The following SMURF1 variants were observed in gnomAD, a reference collection of about 807,000 sequenced individuals.
The protein encoded by SMURF1 is SMAD specific E3 ubiquitin protein ligase 1, also known as E3 ubiquitin-protein ligase SMURF1.
A neutral mutation model predicts 98.0 loss-of-function variants in SMURF1; 44 were observed. The observed-to-expected ratio is 0.45, with a 90% CI of 0.35 to 0.58. The LOEUF (loss-of-function observed/expected upper bound fraction) is 0.58. Ranked by LOEUF, SMURF1 falls within the 20% of genes least tolerant of loss-of-function variation. The pLI is 0.00. For missense variants in SMURF1, 687 were observed against 938.4 expected (o/e 0.73, Z 3.50); for synonymous variants, 396 against 374.9 (o/e 1.06, Z -0.65).
intron 1 of SMURF1, among the ~76,000 whole-genome samples, chr7:99,079,665 A>C (rs1247248360): frequency 6.6e-6 from 1 of 152,250 alleles, no homozygotes; most frequent in Non-Finnish European, 1.5e-5. Flanking sequence ...ACCCCAAAAA[A>C]AAATCCGCAC....
chr7:99,140,943 C>T (rs563751824), intron 1 of SMURF1, among the ~76,000 whole-genome samples: 23 of 152,252 alleles, frequency 1.5e-4, no homozygotes, highest in Non-Finnish European at 2.9e-4. Flanking sequence ...CCTATTCCAC[C>T]GTCAACAAAC....
chr7:99,076,747 C>T (rs7790762), intron 1 of SMURF1, among the ~76,000 whole-genome samples: 152,351 of 152,380 alleles, frequency 1, 76,161 homozygotes, highest in Middle Eastern at 1. Flanking sequence ...ATGTTAGATG[C>T]TGTTAATTGG....
intron 1 of SMURF1, among the ~76,000 whole-genome samples, chr7:99,122,371 C>G (rs1481285910): frequency 2.1e-5 from 3 of 143,504 alleles, no homozygotes; most frequent in Non-Finnish European, 4.6e-5. Flanking sequence ...AGGCCGGGCG[C>G]AGTGGCTCAC....
intron 1 of SMURF1, among the ~76,000 whole-genome samples, chr7:99,066,614 C>T (rs561675882): frequency 6.6e-6 from 1 of 151,820 alleles, no homozygotes; most frequent in African/African-American, 2.4e-5. Context: ...CCCATCTCTA[C>T]AAAAAATACA....
chr7:99,098,127 T>G (rs889551689), intron 1 of SMURF1, among the ~76,000 whole-genome samples: 4 of 152,306 alleles, frequency 2.6e-5, no homozygotes, highest in African/African-American at 9.6e-5. Flanking sequence ...TATAAAGTAA[T>G]TCTACAATAA....
At chr7:99,130,099 C>T (rs1228268127) in intron 1 of SMURF1, among the ~76,000 whole-genome samples, 2 of 152,160 alleles carry the variant, frequency 1.3e-5, no homozygotes, top group Non-Finnish European at 2.9e-5. Context: ...GCTCTGTTAT[C>T]TCTAGAGAAA....
In SMURF1 at chr7:99,037,097, C is replaced by T. The variant is rs996437589; in HGVS notation, c.1779G>A (p.Leu593=). The change falls in exon 15 of 18, where the codon CTG becomes CTA. Residue 593 remains leucine (L), a synonymous_variant. Coordinates refer to ENST00000361368, the MANE Select transcript of SMURF1 (RefSeq NM_181349.3). ...GTTCCTTCTGGTCAAAAGGCTTCAGCAGATGTTGAGGGATGAGCTCATTGA... is the reference window on the plus strand; with the variant it reads ...GTTCCTTCTGGTCAAAAGGCTTCAGTAGATGTTGAGGGATGAGCTCATTGA... ...KGFNELIPQH[L]LKPFDQKELE... 6 of 1,613,962 alleles carry T rather than the reference C, an allele frequency of 3.7e-6. No individual in the cohort carries two copies. The highest frequency in any genetic ancestry group is 2.2e-5 in the South Asian group (2 of 91,078).
At chr7:99,053,701 A>G (rs953848068) in intron 6 of SMURF1, among the ~76,000 whole-genome samples, 4 of 152,056 alleles carry the variant, frequency 2.6e-5, no homozygotes, top group Non-Finnish European at 5.9e-5. Context: ...GGTTCCCTGT[A>G]TTTCCAAGAG....
intron 1 of SMURF1, among the ~76,000 whole-genome samples, chr7:99,062,446 A>T (rs1480871568): frequency 6.6e-6 from 1 of 152,208 alleles, no homozygotes; most frequent in Non-Finnish European, 1.5e-5. Context: ...AATTTTGTAA[A>T]TGTAAACTTT....
At chr7:99,038,357 G>A in intron 14 of SMURF1, 31 bp downstream of exon 14, 1 of 1,610,528 alleles carries the variant, frequency 6.2e-7, no homozygotes, top group Non-Finnish European at 8.5e-7. Flanking sequence ...CGCGCCCCAG[G>A]CACCTGGCCG....
At chr7:99,050,775 T>G in intron 8 of SMURF1, 1 of 651,394 alleles carries the variant, frequency 1.5e-6, no homozygotes, top group Non-Finnish European at 2.6e-6. Flanking sequence ...TATTCTCAGA[T>G]GAAACAAATC....
chr7:99,063,154 T>A (rs1350826746), intron 1 of SMURF1, among the ~76,000 whole-genome samples: 1 of 145,996 alleles, frequency 6.8e-6, no homozygotes, highest in African/African-American at 2.5e-5. Context: ...TAAAACTAAG[T>A]GAATAATGTC....
Position 99,105,261 on chromosome 7 carries a change from G to A in SMURF1, c.55+38465C>T, listed in dbSNP as rs374198176. Among the ~76,000 whole-genome samples the A allele has an allele frequency of 2.0e-5, 3 of 152,254 alleles. 1 individual carries two copies. The highest frequency in any genetic ancestry group is 7.2e-5 in the African/African-American group (3 of 41,542). ...GAAAGAAAGACATTTTTATCACAACGAAAATTCCACTGTGAGAGTCTTCAT... is the reference window on the plus strand; with the variant it reads ...GAAAGAAAGACATTTTTATCACAACAAAAATTCCACTGTGAGAGTCTTCAT... On this transcript the variant is annotated intron_variant, in intron 1 of 17. Transcript: ENST00000361368.
chr7:99,130,112 A>C (rs1373801751), intron 1 of SMURF1, among the ~76,000 whole-genome samples: 2 of 152,196 alleles, frequency 1.3e-5, no homozygotes, highest in Non-Finnish European at 2.9e-5. Flanking sequence ...TAGAGAAATA[A>C]TTTAAGAATG....
Position 99,143,929 on chromosome 7 carries a change from C to T in SMURF1, c.-149G>A. ...ACACAAACTCCGCGGCCCAGGCGTC[C>T]GGGCGGCAGGCGGATGGTCGAGCCG... is the stretch of plus-strand genomic sequence containing the variant. On this transcript the variant is annotated 5_prime_UTR_variant, in exon 1 of 18. Coordinates refer to ENST00000361368, the MANE Select transcript of SMURF1 (RefSeq NM_181349.3). 1 of 565,230 alleles carries T rather than the reference C, an allele frequency of 1.8e-6. No individual in the cohort carries two copies. Among genetic ancestry groups the T allele is most frequent in the Non-Finnish European group, 2.7e-6 (1 of 365,144 alleles). The allele number at this position is 565,230 out of a possible 1,614,324, so 35.0% of individuals were successfully genotyped here.
intron 10 of SMURF1, among the ~76,000 whole-genome samples, chr7:99,046,307 CAT>C (rs935221986): frequency 7.9e-5 from 12 of 152,158 alleles, no homozygotes; most frequent in African/African-American, 2.4e-4. Context: ...GCACAGAACA[CAT>C]GTGATCAGCC....
intron 1 of SMURF1, among the ~76,000 whole-genome samples, chr7:99,073,710 G>C (rs1396097211): frequency 4.0e-5 from 6 of 151,004 alleles, no homozygotes; most frequent in African/African-American, 1.2e-4. Flanking sequence ...AGGTTGCACT[G>C]AGCCAAAATC....
intron 1 of SMURF1, among the ~76,000 whole-genome samples, chr7:99,137,225 T>TA (rs1297190936): frequency 6.6e-6 from 1 of 152,214 alleles, no homozygotes; most frequent in African/African-American, 2.4e-5. Flanking sequence ...ACTGTATTAA[T>TA]ACTGTGCTAC....
intron 10 of SMURF1, among the ~76,000 whole-genome samples, chr7:99,046,451 G>A (rs760425802): frequency 1.3e-5 from 2 of 152,072 alleles, no homozygotes; most frequent in Admixed American, 6.6e-5. Flanking sequence ...CAACCCAGCC[G>A]GGCGCGGTGG....
Sources: allele counts gnomAD v4.1 joint callset (sites outside exome capture counted in the v4.1 genomes callset), GRCh38; gene constraint gnomAD v4.1.1; transcripts MANE v1.5; gene names NCBI Gene and HGNC (gene_info 2026-07-23, HGNC 2026-07-21).